ADAM7: variants seen among roughly 807,000 people sequenced by gnomAD.
ADAM7 encodes disintegrin and metalloproteinase domain-containing protein 7.
Under a neutral mutation model 102.9 loss-of-function variants are expected in ADAM7, and 97 were observed. The observed-to-expected ratio is 0.94, with a 90% CI of 0.80 to 1.12. ADAM7 has a LOEUF of 1.12. Among genes scored for constraint, ADAM7 ranks in the 50% most tolerant of loss-of-function variants. The probability of loss-of-function intolerance (pLI) is 0.00; values close to 1 mark genes in which losing one functional copy is unlikely to be tolerated. For missense variants in ADAM7, 991 were observed against 908.7 expected (o/e 1.09, Z -1.16); for synonymous variants, 334 against 304.4 (o/e 1.10, Z -1.01).
At chr8:24,506,967 C>T (rs73548749) in intron 20 of ADAM7, among the ~76,000 whole-genome samples, 2,141 of 152,122 alleles carry the variant, frequency 0.014, 47 homozygotes, top group African/African-American at 0.048. Flanking sequence ...TCTTTATGGA[C>T]GACTAAAACG....
At chr8:24,442,621 C>T in intron 2 of ADAM7, 45 bp downstream of exon 2, 2 of 1,466,156 alleles carry the variant, frequency 1.4e-6, no homozygotes, top group South Asian at 2.3e-5. Context: ...CTTTCACAGG[C>T]ATGTAGACAG....
chr8:24,461,157 T>A (rs1819228508), intron 3 of ADAM7, among the ~76,000 whole-genome samples: 3 of 152,128 alleles, frequency 2.0e-5, no homozygotes, highest in Admixed American at 1.3e-4. Context: ...CACGCCCAGC[T>A]AATTTTTGGT....
chr8:24,441,405 C>T (rs1348388618), intron 1 of ADAM7, among the ~76,000 whole-genome samples: 1 of 152,218 alleles, frequency 6.6e-6, no homozygotes, highest in Non-Finnish European at 1.5e-5. Flanking sequence ...TGCAGCATGG[C>T]AGGCACTGTG....
chr8:24,460,921 T>G (rs1819218971), intron 3 of ADAM7, among the ~76,000 whole-genome samples: 1 of 152,162 alleles, frequency 6.6e-6, no homozygotes, highest in Non-Finnish European at 1.5e-5. Context: ...TGTGTTACAA[T>G]TTCATTGAGA....
Position 24,503,431 on chromosome 8 carries a change from G to C in ADAM7, c.2208+1855G>C, listed in dbSNP as rs146509617. Among the ~76,000 whole-genome samples, 92 of 152,228 alleles carry C rather than the reference G, an allele frequency of 6.0e-4. 2 individuals are homozygous for C. In the East Asian group the frequency reaches 0.017, roughly 29 times the overall value. On this transcript the variant is annotated intron_variant, in intron 20 of 21. Transcript: ENST00000175238. ...GAACACTTTTACATTGTTGGAGGGA[G>C]TGTAAATTAGTTCAACCATTGTGGA...
intron 3 of ADAM7, among the ~76,000 whole-genome samples, chr8:24,448,787 C>T (rs1818663528): frequency 1.3e-5 from 2 of 151,918 alleles, no homozygotes; most frequent in African/African-American, 4.8e-5. Context: ...TTAGGTATAT[C>T]TCCTAATGCT....
intron 3 of ADAM7, among the ~76,000 whole-genome samples, chr8:24,450,050 T>C (rs1818721864): frequency 6.6e-6 from 1 of 152,232 alleles, no homozygotes; most frequent in Admixed American, 6.5e-5. Context: ...TTGGTTACTG[T>C]AGCCTTGTAG....
At position 24,465,692 on chromosome 8, in the gene ADAM7, A is replaced by AT; in HGVS notation, c.313-3dup. ...ACATATAGTAATAGAGTCTTCTTCT[A>AT]TTTTAGGATCATTGTTTTTACCAAG... On this transcript the variant is annotated splice_polypyrimidine_tract_variant and splice_region_variant and intron_variant, in intron 4 of 21. Coordinates refer to ENST00000175238, the MANE Select transcript of ADAM7 (RefSeq NM_003817.4). The AT allele has an allele frequency of 6.3e-7, 1 of 1,584,394 alleles. No individual in the cohort carries two copies. The highest frequency in any genetic ancestry group is 8.6e-7 in the Non-Finnish European group (1 of 1,164,992).
Position 24,468,750 on chromosome 8 carries a change from T to A in ADAM7, c.580-17T>A. The A allele has an allele frequency of 6.2e-7, 1 of 1,611,576 alleles. No individual in the cohort carries two copies. Among genetic ancestry groups the A allele is most frequent in the Non-Finnish European group, 8.5e-7 (1 of 1,178,518 alleles). ...AGTGTTAACTATACTTCAACTGAAT[T>A]TTCCCTAACTTTACAGGGCATCCAT... is the stretch of plus-strand genomic sequence containing the variant. On this transcript the variant is annotated splice_polypyrimidine_tract_variant and intron_variant, in intron 6 of 21. Transcript: ENST00000175238.
At chr8:24,489,012 T>C in intron 11 of ADAM7, 147 bp from the exon 12 acceptor site, 1 of 639,298 alleles carries the variant, frequency 1.6e-6, no homozygotes, top group Non-Finnish European at 2.4e-6. Flanking sequence ...AAAGATATTT[T>C]CTATAATAAA....
chr8:24,494,198 T>TA (rs991106583), intron 16 of ADAM7, among the ~76,000 whole-genome samples: 4 of 151,958 alleles, frequency 2.6e-5, no homozygotes, highest in East Asian at 3.9e-4. Context: ...GTTCAGAATG[T>TA]AAAAAAAAGA....
intron 8 of ADAM7, 131 bp downstream of exon 8, chr8:24,476,635 A>C: frequency 1.8e-6 from 1 of 543,572 alleles, no homozygotes; most frequent in Non-Finnish European, 3.1e-6. Context: ...TAATAAGCAA[A>C]AATCCACGGG....
intron 3 of ADAM7, among the ~76,000 whole-genome samples, chr8:24,450,562 G>A (rs1818743341): frequency 1.3e-5 from 2 of 152,054 alleles, no homozygotes; most frequent in Non-Finnish European, 2.9e-5. Flanking sequence ...TGAGACAATG[G>A]GGTTTTCTAG....
At position 24,501,414 on chromosome 8, in the gene ADAM7, G is replaced by T. The variant is rs1307764613; in HGVS notation, c.2109-63G>T. On this transcript the variant is annotated intron_variant, in intron 19 of 21. Transcript: ENST00000175238. ...AAAATTACTAAAGCTTACTCATGAA[G>T]AAATAAATAACCTGAATAGCCCTAT... The T allele has an allele frequency of 3.2e-5, 39 of 1,232,028 alleles. No individual in the cohort carries two copies. The East Asian group carries it at 9.5e-4, about 30-fold the overall frequency. 76.3% of individuals were successfully genotyped at this position (1,232,028 alleles called of 1,614,324 possible).
At chr8:24,495,385 G>A (rs778733511) in intron 16 of ADAM7, among the ~76,000 whole-genome samples, 16 of 151,316 alleles carry the variant, frequency 1.1e-4, no homozygotes, top group Non-Finnish European at 1.8e-4. Flanking sequence ...TTATGCACAC[G>A]CTTGAAATAA....
At chr8:24,477,541 CTA>C (rs1022608814) in intron 8 of ADAM7, among the ~76,000 whole-genome samples, 2 of 125,076 alleles carry the variant, frequency 1.6e-5, no homozygotes, top group African/African-American at 5.4e-5. Context: ...TTTAGCTGGT[CTA>C]TGTGTCCCTT....
At chr8:24,486,019 A>G (rs950020099) in intron 10 of ADAM7, among the ~76,000 whole-genome samples, 1 of 152,174 alleles carries the variant, frequency 6.6e-6, no homozygotes, top group Admixed American at 6.5e-5. Flanking sequence ...TACTTATTAT[A>G]TAGTTATTTT....
intron 8 of ADAM7, among the ~76,000 whole-genome samples, chr8:24,480,028 G>C (rs1010434242): frequency 6.6e-6 from 1 of 152,172 alleles, no homozygotes; most frequent in African/African-American, 2.4e-5. Context: ...CGTGGAAATT[G>C]AAAATTTCCC....
chr8:24,475,593 G>A (rs1197915404), intron 7 of ADAM7, among the ~76,000 whole-genome samples: 2 of 152,128 alleles, frequency 1.3e-5, no homozygotes, highest in Admixed American at 6.6e-5. Context: ...GGTTGAATAC[G>A]TGGAAGATGA....
Sources: allele counts gnomAD v4.1 joint callset (sites outside exome capture counted in the v4.1 genomes callset), GRCh38; gene constraint gnomAD v4.1.1; transcripts MANE v1.5; gene names NCBI Gene and HGNC (gene_info 2026-07-23, HGNC 2026-07-21).